The following WIF1 variants were observed in gnomAD, a reference collection of about 807,000 sequenced individuals.
The protein encoded by WIF1 is Wnt inhibitory factor 1.
Under a neutral mutation model 53.5 loss-of-function variants are expected in WIF1, and 35 were observed. The ratio of observed to expected loss-of-function variants is 0.65; its 90% CI spans 0.50 to 0.87. WIF1 has a LOEUF of 0.87. WIF1 is among the 40% of genes least tolerant of loss of function. WIF1 has a pLI of 0.00. For missense variants in WIF1, 467 were observed against 476.8 expected (o/e 0.98, Z 0.19); for synonymous variants, 171 against 170.4 (o/e 1.00, Z -0.03).
At chr12:65,056,508 G>T (rs1253047813) in intron 7 of WIF1, among the ~76,000 whole-genome samples, 10 of 147,630 alleles carry the variant, frequency 6.8e-5, no homozygotes, top group African/African-American at 2.5e-4. Flanking sequence ...TTACAAGTAT[G>T]AGCCACCACG....
intron 2 of WIF1, among the ~76,000 whole-genome samples, chr12:65,099,713 C>T (rs957835543): frequency 1.3e-5 from 2 of 152,150 alleles, no homozygotes; most frequent in East Asian, 1.9e-4. Flanking sequence ...GCTCTGGGAG[C>T]GCTGATTAGC....
intron 2 of WIF1, 22 bp downstream of exon 2, chr12:65,120,394 AG>A (rs1565763495): frequency 1.2e-6 from 2 of 1,609,336 alleles, no homozygotes; most frequent in Non-Finnish European, 1.7e-6. Flanking sequence ...GAAATATTAA[AG>A]GGTAATTTTC....
chr12:65,107,563 T>A (rs1049022071), intron 2 of WIF1, among the ~76,000 whole-genome samples: 4 of 152,188 alleles, frequency 2.6e-5, no homozygotes, highest in African/African-American at 9.7e-5. Flanking sequence ...GAGGTTGCAG[T>A]GAGCTGAGAT....
intron 2 of WIF1, among the ~76,000 whole-genome samples, chr12:65,100,607 A>G (rs1883268468): frequency 6.6e-6 from 1 of 152,210 alleles, no homozygotes; most frequent in African/African-American, 2.4e-5. Flanking sequence ...CCACTTCTGG[A>G]ACTCAGTCTT....
In WIF1 at chr12:65,089,885, C is replaced by T. The variant is rs145142012; in HGVS notation, c.289-12031G>A. On this transcript the variant is annotated intron_variant, in intron 2 of 9. Transcript: ENST00000286574. The stretch of plus-strand genomic sequence containing the variant: ...CCCCCTGGCCCCTACCCCAATTAAA[C>T]TCTCCTCATTGGAAGGGATTTTTTC... Among the ~76,000 whole-genome samples the T allele has an allele frequency of 4.7e-3, 713 of 152,262 alleles. 6 individuals are homozygous for T. The highest frequency in any genetic ancestry group is 0.017 in the African/African-American group (686 of 41,544).
intron 9 of WIF1, among the ~76,000 whole-genome samples, chr12:65,053,012 A>G (rs1882464106): frequency 6.6e-6 from 1 of 152,072 alleles, no homozygotes; most frequent in Non-Finnish European, 1.5e-5. Context: ...AGGATTTTTT[A>G]GTTATTTTGA....
rs532273905 is a variant in WIF1 at position 65,051,186 on chromosome 12, C to T, written c.*163G>A. 2 of 910,110 alleles carry T rather than the reference C, an allele frequency of 2.2e-6. No individual in the cohort carries two copies. Among genetic ancestry groups the T allele is most frequent in the South Asian group, 2.7e-5 (1 of 37,216 alleles). 56.4% of individuals were successfully genotyped at this position (910,110 alleles called of 1,614,324 possible). On this transcript the variant is annotated 3_prime_UTR_variant, in exon 10 of 10. Transcript: ENST00000286574. The stretch of plus-strand genomic sequence containing the variant: ...TCATGCTACAGACGTACTTAGAAAA[C>T]TTAAAAGGAAGAGTAAATATCAGCT...
chr12:65,095,985 A>G (rs1476518667), intron 2 of WIF1: 1 of 152,228 alleles, frequency 6.6e-6, no homozygotes, highest in African/African-American at 2.4e-5. Context: ...AAAACACCAA[A>G]AGCAATTTCA....
At chr12:65,088,726 G>A (rs1883079342) in intron 2 of WIF1, among the ~76,000 whole-genome samples, 1 of 151,922 alleles carries the variant, frequency 6.6e-6, no homozygotes, top group African/African-American at 2.4e-5. Context: ...CTCTCTCTGA[G>A]TTTTCCTTCT....
At chr12:65,080,088 A>C (rs1882924963) in intron 2 of WIF1, among the ~76,000 whole-genome samples, 1 of 152,198 alleles carries the variant, frequency 6.6e-6, no homozygotes, top group African/African-American at 2.4e-5. Context: ...ACATGAGGAT[A>C]ATAATGCCAA....
intron 2 of WIF1, among the ~76,000 whole-genome samples, chr12:65,081,760 A>C (rs1882954161): frequency 6.6e-6 from 1 of 152,048 alleles, no homozygotes; most frequent in Admixed American, 6.6e-5. Context: ...GAAACATGTA[A>C]TTTCCTGGAT....
Position 65,061,383 on chromosome 12 carries a change from A to T in WIF1, c.826+1098T>A, listed in dbSNP as rs149216106. Among the ~76,000 whole-genome samples the T allele has an allele frequency of 1.5e-3, 233 of 152,360 alleles. 2 individuals are homozygous for T. Among genetic ancestry groups the T allele is most frequent in the African/African-American group, 5.1e-3 (212 of 41,592 alleles). ...TGTTTTACAGATACAGCTGGAAATG[A>T]AACACAGACCAAGTTTCCCTCAACA... On this transcript the variant is annotated intron_variant, in intron 7 of 9. Coordinates refer to ENST00000286574, the MANE Select transcript of WIF1 (RefSeq NM_007191.5).
intron 2 of WIF1, among the ~76,000 whole-genome samples, chr12:65,092,291 G>C (rs111891067): frequency 6.6e-6 from 1 of 151,880 alleles, no homozygotes; most frequent in South Asian, 2.1e-4. Flanking sequence ...GTCAGGGGGT[G>C]GGGGGCTAGG....
At chr12:65,059,543 A>G (rs1401753162) in intron 7 of WIF1, among the ~76,000 whole-genome samples, 1 of 152,244 alleles carries the variant, frequency 6.6e-6, no homozygotes. Flanking sequence ...TTAGATAACA[A>G]GATGTATGTA....
intron 5 of WIF1, 77 bp downstream of exon 5, chr12:65,067,618 C>G: frequency 7.0e-7 from 1 of 1,419,056 alleles, no homozygotes; most frequent in Admixed American, 1.8e-5. Context: ...GTTAAAAATA[C>G]ACAATACACA....
intron 2 of WIF1, among the ~76,000 whole-genome samples, chr12:65,107,548 A>G (rs895037860): frequency 3.3e-5 from 5 of 152,214 alleles, no homozygotes; most frequent in Admixed American, 3.3e-4. Context: ...TGAACCCAGG[A>G]GGTGGAGGTT....
At chr12:65,065,652 T>C (rs1882677096) in intron 6 of WIF1, among the ~76,000 whole-genome samples, 1 of 152,184 alleles carries the variant, frequency 6.6e-6, no homozygotes, top group Admixed American at 6.6e-5. Context: ...AGAGACACTT[T>C]TAAAGAATAA....
chr12:65,061,587 T>C (rs1189020259), intron 7 of WIF1, among the ~76,000 whole-genome samples: 1 of 152,224 alleles, frequency 6.6e-6, no homozygotes, highest in Admixed American at 6.5e-5. Flanking sequence ...GAGAGCTACA[T>C]GGCTGGTCAA....
chr12:65,073,568 AGAG>A (rs566579921), intron 3 of WIF1, among the ~76,000 whole-genome samples: 1 of 152,214 alleles, frequency 6.6e-6, no homozygotes, highest in Non-Finnish European at 1.5e-5. Flanking sequence ...TTAAAGATCA[AGAG>A]GAGTTTTCTT....
Sources: gnomAD v4.1 joint callset for allele counts (sites outside exome capture counted in the v4.1 genomes callset) on GRCh38, gnomAD v4.1.1 for gene constraint, MANE v1.5 for transcripts, NCBI Gene and HGNC (gene_info 2026-07-23, HGNC 2026-07-21) for gene names.